The following CCNT1 variants were observed in gnomAD, a reference collection of about 807,000 sequenced individuals.
The protein encoded by CCNT1 is cyclin T1.
A neutral mutation model predicts 67.3 loss-of-function variants in CCNT1; 18 were observed. The observed-to-expected ratio is 0.27, with a 90% CI of 0.18 to 0.40. CCNT1 has a LOEUF of 0.40. Among genes scored for constraint, CCNT1 ranks in the 10% least tolerant of loss-of-function variants. The pLI, the probability that CCNT1 is intolerant of heterozygous loss-of-function variation, is 1.00. For synonymous variants in CCNT1, 333 were observed against 310.3 expected, an observed-to-expected ratio of 1.07 and a Z score of -0.77; for missense variants, 744 against 884.9, an observed-to-expected ratio of 0.84 and a Z score of 2.02.
intron 2 of CCNT1, among the ~76,000 whole-genome samples, chr12:48,707,275 AT>A (rs893729482): frequency 6.7e-5 from 10 of 149,802 alleles, no homozygotes; most frequent in Non-Finnish European, 1.5e-4. Context: ...GGAACACTAG[AT>A]TTTTTTTCTT....
rs774960495 is a variant in CCNT1, at chr12:48,693,712, G to A, written c.1502C>T (p.Thr501Ile). 1.9e-6 allele frequency: 3 copies of A among 1,614,112 alleles called. No homozygotes were observed. The Admixed American group carries it at 5.0e-5, about 27-fold the overall frequency. Residue 501 changes from threonine to isoleucine, a missense_variant, in exon 9 of 9, where the codon ACA (threonine) becomes ATA (isoleucine). Transcript: ENST00000261900. ...CTTTTCTTTGTGCTCTCGGCTCTTT[G>A]TAACACTGTCCTCTACAGAATTGTG... is the stretch of plus-strand genomic sequence containing the variant. ...DKHNSVEDSV[T>I]KSREHKEKHK...
intron 1 of CCNT1, among the ~76,000 whole-genome samples, chr12:48,714,862 G>A (rs1186343177): frequency 6.6e-6 from 1 of 152,162 alleles, no homozygotes; most frequent in Non-Finnish European, 1.5e-5. Flanking sequence ...GCCCACACTG[G>A]AGTGCGGTGG....
chr12:48,712,448 G>A (rs1170108557), intron 2 of CCNT1, among the ~76,000 whole-genome samples: 1 of 151,020 alleles, frequency 6.6e-6, no homozygotes, highest in African/African-American at 2.4e-5. Context: ...GCTAATTTTT[G>A]TATTAGTAGA....
chr12:48,693,825 T>C lies in CCNT1; in HGVS notation c.1389A>G (p.Arg463=), dbSNP rs1465014116. ...EKADKTALKM[R]IPVAGGDKAA... ...CTTTATCTCCACCTGCCACTGGGAT[T>C]CTCATTTTGAGAGCTGTTTTGTCAG... Residue 463 remains arginine, a synonymous_variant, in exon 9 of 9, where the codon AGA becomes AGG. Transcript: ENST00000261900. The C allele has an allele frequency of 4.3e-6, 7 of 1,614,102 alleles. No homozygotes were observed. The African/African-American group carries it at 9.3e-5, about 22-fold the overall frequency.
intron 6 of CCNT1, among the ~76,000 whole-genome samples, chr12:48,696,730 C>G (rs766358614): frequency 2.4e-4 from 37 of 152,284 alleles, no homozygotes; most frequent in Non-Finnish European, 4.9e-4. Flanking sequence ...TCGTAACAGG[C>G]TATAAAAATG....
At chr12:48,711,434 T>C (rs988208707) in intron 2 of CCNT1, among the ~76,000 whole-genome samples, 4 of 151,972 alleles carry the variant, frequency 2.6e-5, no homozygotes, top group Non-Finnish European at 5.9e-5. Context: ...GGGGAAAATA[T>C]ATATTAACCT....
chr12:48,705,539 C>T (rs1940342976), intron 3 of CCNT1: 1 of 474,484 alleles, frequency 2.1e-6, no homozygotes, highest in Admixed American at 4.0e-5. Flanking sequence ...TCCCAAAGTG[C>T]TAGGATTACA....
At chr12:48,709,223 C>T (rs1251511405) in intron 2 of CCNT1, among the ~76,000 whole-genome samples, 1 of 152,170 alleles carries the variant, frequency 6.6e-6, no homozygotes, top group East Asian at 1.9e-4. Context: ...GGCACCACTG[C>T]ACTCCTGGGC....
intron 3 of CCNT1, among the ~76,000 whole-genome samples, chr12:48,704,805 T>C (rs537304522): frequency 3.6e-4 from 55 of 151,752 alleles, no homozygotes; most frequent in Admixed American, 7.9e-4. Context: ...CAAGATTCCG[T>C]CTCAAAAAAA....
chr12:48,705,358 C>G (rs1006015469), intron 3 of CCNT1, among the ~76,000 whole-genome samples: 2 of 151,992 alleles, frequency 1.3e-5, no homozygotes, highest in Non-Finnish European at 2.9e-5. Flanking sequence ...TTGTCTCGAA[C>G]TGGACTCAAG....
chr12:48,706,658 T>C (rs1422143385), intron 2 of CCNT1, among the ~76,000 whole-genome samples: 3 of 152,170 alleles, frequency 2.0e-5, no homozygotes, highest in African/African-American at 7.2e-5. Context: ...TTCTTGAATA[T>C]TAAGAACATT....
At chr12:48,715,166 T>C (rs1940515140) in intron 1 of CCNT1, among the ~76,000 whole-genome samples, 1 of 152,220 alleles carries the variant, frequency 6.6e-6, no homozygotes, top group African/African-American at 2.4e-5. Context: ...AAGGATGCAC[T>C]GAAATAGAAT....
intron 2 of CCNT1, among the ~76,000 whole-genome samples, chr12:48,709,540 T>C (rs932260909): frequency 6.6e-6 from 1 of 152,080 alleles, no homozygotes; most frequent in East Asian, 1.9e-4. Context: ...CAAATAGCTA[T>C]CAATAAAAAG....
intron 3 of CCNT1, among the ~76,000 whole-genome samples, chr12:48,704,575 C>T (rs555379902): frequency 4.7e-4 from 72 of 152,226 alleles, no homozygotes; most frequent in African/African-American, 1.3e-3. Flanking sequence ...CTGTGGGAGG[C>T]CAAGGCGGGC....
intron 2 of CCNT1, among the ~76,000 whole-genome samples, chr12:48,713,320 T>A (rs1940485647): frequency 6.6e-6 from 1 of 151,888 alleles, no homozygotes; most frequent in South Asian, 2.1e-4. Flanking sequence ...TACATAAGAA[T>A]GAGCCACCAT....
intron 3 of CCNT1, 143 bp downstream of exon 3, chr12:48,705,625 C>T (rs1940344585): frequency 2.8e-6 from 2 of 702,076 alleles, no homozygotes; most frequent in Non-Finnish European, 4.7e-6. Flanking sequence ...ATTCTTTTAA[C>T]AACACCAATC....
In CCNT1 at chr12:48,693,230, TCA is replaced by T. The variant is rs780654839; in HGVS notation, c.1982_1983del (p.Val661GlufsTer21). On this transcript the variant is annotated frameshift_variant, in exon 9 of 9. Coordinates refer to ENST00000261900, the MANE Select transcript of CCNT1 (RefSeq NM_001240.4). LOFTEE classifies it high-confidence loss of function. ...TTQTIDYQDT[V>X]NMLHSLLSAQ... is the part of the protein sequence containing the mutation. ...GCACTGAGCAGGGAGTGAAGCATAT[TCA>T]CAGTGTCTTGATAGTCTATTGTCTG... is the stretch of plus-strand genomic sequence containing the variant. The T allele has an allele frequency of 1.9e-6, 3 of 1,614,226 alleles. No individual in the cohort carries two copies.
chr12:48,702,533 C>T (rs112541871), intron 3 of CCNT1, among the ~76,000 whole-genome samples: 11 of 152,280 alleles, frequency 7.2e-5, no homozygotes, highest in African/African-American at 2.4e-4. Flanking sequence ...GCCAGTAATC[C>T]CAGCACTTAG....
intron 3 of CCNT1, among the ~76,000 whole-genome samples, chr12:48,702,607 A>ATATTG (rs1404481787): frequency 2.6e-5 from 4 of 152,150 alleles, no homozygotes; most frequent in Non-Finnish European, 4.4e-5. Flanking sequence ...ATATGGTGAA[A>ATATTG]CCCTGTCTCT....
Sources: gnomAD v4.1 joint callset for allele counts (sites outside exome capture counted in the v4.1 genomes callset) on GRCh38, gnomAD v4.1.1 for gene constraint, MANE v1.5 for transcripts, NCBI Gene and HGNC (gene_info 2026-07-23, HGNC 2026-07-21) for gene names.